PRDM5: variants seen among roughly 807,000 people sequenced by gnomAD.
The protein encoded by PRDM5 is PR domain zinc finger protein 5.
Under a neutral mutation model 81.2 loss-of-function variants are expected in PRDM5, and 56 were observed. That is an observed-to-expected ratio of 0.69 (90% CI 0.56 to 0.86). The LOEUF is 0.86. PRDM5 is among the 40% of genes least tolerant of loss of function. PRDM5 has a pLI of 0.00. For synonymous variants in PRDM5, 267 were observed against 256.4 expected, an observed-to-expected ratio of 1.04 and a Z score of -0.39; for missense variants, 697 against 770.1, an observed-to-expected ratio of 0.91 and a Z score of 1.12.
chr4:120,726,548 A>G (rs1031412345), intron 14 of PRDM5, among the ~76,000 whole-genome samples: 7 of 152,210 alleles, frequency 4.6e-5, no homozygotes, highest in African/African-American at 1.7e-4. Context: ...TTGTTTTTCT[A>G]CTAATAGCCA....
intron 15 of PRDM5, 144 bp from the exon 16 acceptor site, chr4:120,695,419 T>G: frequency 1.1e-6 from 1 of 869,968 alleles, no homozygotes; most frequent in Admixed American, 2.4e-5. Flanking sequence ...ACCCTTCCCT[T>G]TTCCCAGCTG....
intron 3 of PRDM5, among the ~76,000 whole-genome samples, chr4:120,830,356 C>A (rs927338552): frequency 6.6e-5 from 10 of 152,016 alleles, no homozygotes; most frequent in Non-Finnish European, 1.3e-4. Flanking sequence ...ATTTTGGCCG[C>A]CGCTCTCTTT....
In PRDM5 at chr4:120,821,277, G is replaced by A; in HGVS notation, c.369C>T (p.Tyr123=). The change falls in exon 4 of 16, where the codon TAC becomes TAT. Residue 123 remains tyrosine (Y), a synonymous_variant. Coordinates refer to ENST00000264808, the MANE Select transcript of PRDM5 (RefSeq NM_018699.4). ...CCTCAGCCTCCATGTCACTATCCAG[G>A]TAGCCAATCAGAAGCTCCGTGTCTG... ...IETDTELLIG[Y]LDSDMEAEEE... 6.2e-7 allele frequency: 1 copy of A among 1,613,910 alleles called. No individual in the cohort carries two copies. The highest frequency in any genetic ancestry group is 8.5e-7 in the Non-Finnish European group (1 of 1,179,964).
intron 13 of PRDM5, among the ~76,000 whole-genome samples, chr4:120,764,614 T>A (rs1398648700): frequency 2.6e-5 from 4 of 152,074 alleles, no homozygotes; most frequent in African/African-American, 9.7e-5. Context: ...AAGGGTACAT[T>A]CCATTGATGT....
At chr4:120,699,187 T>C (rs372555257) in intron 15 of PRDM5, among the ~76,000 whole-genome samples, 1 of 114,954 alleles carries the variant, frequency 8.7e-6, no homozygotes, top group African/African-American at 4.3e-5. Context: ...TATATATATA[T>C]ATATATATAT....
chr4:120,879,427 C>T (rs1452522717), intron 2 of PRDM5, among the ~76,000 whole-genome samples: 2 of 152,114 alleles, frequency 1.3e-5, no homozygotes, highest in Admixed American at 6.6e-5. Context: ...CCTCCTCCAC[C>T]TCTAAAATCC....
chr4:120,716,222 A>G (rs1369047237), intron 14 of PRDM5, among the ~76,000 whole-genome samples: 1 of 152,224 alleles, frequency 6.6e-6, no homozygotes, highest in Admixed American at 6.5e-5. Context: ...AATGTCGTTG[A>G]AATTATATTA....
intron 8 of PRDM5, among the ~76,000 whole-genome samples, chr4:120,806,433 AC>A (rs1752960388): frequency 6.6e-6 from 1 of 152,224 alleles, no homozygotes; most frequent in Non-Finnish European, 1.5e-5. Flanking sequence ...GCATCACCCT[AC>A]CTGACTTCAA....
At chr4:120,761,022 C>T (rs756977269) in intron 13 of PRDM5, among the ~76,000 whole-genome samples, 3 of 152,152 alleles carry the variant, frequency 2.0e-5, no homozygotes, top group Non-Finnish European at 4.4e-5. Flanking sequence ...TGAATAAATG[C>T]AGTTCCTTAA....
chr4:120,912,834 T>C (rs1052402201), intron 1 of PRDM5, among the ~76,000 whole-genome samples: 4 of 152,184 alleles, frequency 2.6e-5, no homozygotes, highest in African/African-American at 4.8e-5. Context: ...CAATCTGCAG[T>C]TGAGTCATTT....
At chr4:120,830,783 A>C (rs1359043043) in intron 3 of PRDM5, among the ~76,000 whole-genome samples, 1 of 152,112 alleles carries the variant, frequency 6.6e-6, no homozygotes. Flanking sequence ...GCTTATAATC[A>C]GCCATACAGG....
intron 3 of PRDM5, among the ~76,000 whole-genome samples, chr4:120,849,312 G>C (rs1174334460): frequency 6.6e-6 from 1 of 152,098 alleles, no homozygotes; most frequent in Non-Finnish European, 1.5e-5. Flanking sequence ...GAAGACCCCA[G>C]GATAAATTGT....
intron 2 of PRDM5, among the ~76,000 whole-genome samples, chr4:120,872,832 G>A (rs34093595): frequency 0.058 from 8,838 of 152,122 alleles, 565 homozygotes; most frequent in African/African-American, 0.16. Context: ...AGGGGGTAGT[G>A]GGGAGGTGAG....
Position 120,728,999 on chromosome 4 carries a change from T to C in PRDM5, c.1624-18586A>G, listed in dbSNP as rs140703247. Among the ~76,000 whole-genome samples the C allele has an allele frequency of 3.0e-4, 45 of 152,314 alleles. No individual in the cohort carries two copies. The East Asian group carries it at 5.6e-3, about 19-fold the overall frequency. On this transcript the variant is annotated intron_variant, in intron 14 of 15. Transcript: ENST00000264808. ...CCTCAGAAGCTAGGAAACTGAAGCCTGCCTAGAAAGATATGAATCTAGGAC... is the reference window on the plus strand; with the variant it reads ...CCTCAGAAGCTAGGAAACTGAAGCCCGCCTAGAAAGATATGAATCTAGGAC...
intron 15 of PRDM5, among the ~76,000 whole-genome samples, chr4:120,709,165 A>T (rs946495584): frequency 6.6e-6 from 1 of 152,218 alleles, no homozygotes. Flanking sequence ...AAAGATGTCC[A>T]TATGCAGCTA....
intron 14 of PRDM5, among the ~76,000 whole-genome samples, chr4:120,724,487 A>G (rs1447963808): frequency 1.3e-5 from 2 of 152,218 alleles, no homozygotes; most frequent in African/African-American, 4.8e-5. Flanking sequence ...TGAAATGAGA[A>G]TTCAACATAG....
intron 13 of PRDM5, among the ~76,000 whole-genome samples, chr4:120,769,111 T>G: frequency 6.6e-6 from 1 of 152,332 alleles, no homozygotes; most frequent in South Asian, 2.1e-4. Context: ...AATCTGGAAC[T>G]TCTCACTCTG....
chr4:120,695,199 G>C lies in PRDM5; in HGVS notation c.1805C>G (p.Ala602Gly). 6.2e-7 allele frequency: 1 copy of C among 1,613,614 alleles called. No homozygotes were observed. The highest frequency in any genetic ancestry group is 8.5e-7 in the Non-Finnish European group (1 of 1,179,666). ...CTTCTTATGGCAAAACTGGCATTCTGCCAGGGGACGATTGGGATTATGAGT... is the reference window on the plus strand; with the variant it reads ...CTTCTTATGGCAAAACTGGCATTCTCCCAGGGGACGATTGGGATTATGAGT... Reference protein sequence around the residue: ...KMTHNPNRPLAECQFCHKKFT... With the variant: ...KMTHNPNRPLGECQFCHKKFT... Residue 602 changes from alanine (A) to glycine (G), a missense_variant, in exon 16 of 16, where the codon GCA (alanine) becomes GGA (glycine). Ala to Gly is a moderately conservative substitution (Grantham distance 60, BLOSUM62 0). Transcript: ENST00000264808.
intron 2 of PRDM5, among the ~76,000 whole-genome samples, chr4:120,904,044 G>C (rs1000638144): frequency 6.6e-6 from 1 of 151,768 alleles, no homozygotes; most frequent in East Asian, 1.9e-4. Context: ...ACAAAAATTA[G>C]CCAGGTGTGG....
Sources: allele counts gnomAD v4.1 joint callset (sites outside exome capture counted in the v4.1 genomes callset), GRCh38; gene constraint gnomAD v4.1.1; transcripts MANE v1.5; gene names NCBI Gene and HGNC (gene_info 2026-07-23, HGNC 2026-07-21).